KCND3: variants seen among roughly 807,000 people sequenced by gnomAD.
KCND3 encodes A-type voltage-gated potassium channel KCND3.
KCND3 carries 9 observed loss-of-function variants against 51.1 expected under a neutral mutation model. The observed-to-expected ratio is 0.18, with a 90% CI of 0.11 to 0.31. The LOEUF (loss-of-function observed/expected upper bound fraction) is 0.31. KCND3 is among the 10% of genes least tolerant of loss of function. The pLI, the probability that KCND3 is intolerant of heterozygous loss-of-function variation, is 1.00. For synonymous variants in KCND3, 349 were observed against 368.0 expected (o/e 0.95, Z 0.59); for missense variants, 526 against 903.8 (o/e 0.58, Z 5.36).
rs1199081772 is a variant in KCND3 at position 111,772,176 on chromosome 1, A to C, written c.*3901T>G. The C allele has an allele frequency of 1.3e-5, 2 of 152,154 alleles. No homozygotes were observed. Among genetic ancestry groups the C allele is most frequent in the Admixed American group, 6.5e-5 (1 of 15,282 alleles). 9.4% of individuals were successfully genotyped at this position (152,154 alleles called of 1,614,324 possible). On this transcript the variant is annotated 3_prime_UTR_variant, in exon 8 of 8. Coordinates refer to ENST00000302127, the MANE Select transcript of KCND3 (RefSeq NM_001378969.1). ...AATCAAGGATTTAGCTACTTTACCT[A>C]CTACCATCACAGACTGTCATAAGAA...
At chr1:111,783,152 G>A (rs1166854160) in intron 3 of KCND3, among the ~76,000 whole-genome samples, 1 of 142,016 alleles carries the variant, frequency 7.0e-6, no homozygotes, top group Non-Finnish European at 1.5e-5. Context: ...TAAGAACAAT[G>A]TGAGAGTTAA....
chr1:111,886,330 C>T (rs1040300784), intron 2 of KCND3, among the ~76,000 whole-genome samples: 1 of 152,146 alleles, frequency 6.6e-6, no homozygotes. Context: ...TCATTTCTGT[C>T]TGCTATATTT....
intron 2 of KCND3, among the ~76,000 whole-genome samples, chr1:111,944,691 G>C (rs1352153200): frequency 1.3e-5 from 2 of 152,228 alleles, no homozygotes; most frequent in South Asian, 2.1e-4. Context: ...TGGCTCACTG[G>C]TCTTTGTGTG....
At chr1:111,899,128 C>A (rs1351323851) in intron 2 of KCND3, among the ~76,000 whole-genome samples, 1 of 152,184 alleles carries the variant, frequency 6.6e-6, no homozygotes, top group Non-Finnish European at 1.5e-5. Context: ...CACAGTGCAG[C>A]CCCACAGTGA....
At chr1:111,789,034 T>C (rs1230685863) in intron 2 of KCND3, among the ~76,000 whole-genome samples, 1 of 152,190 alleles carries the variant, frequency 6.6e-6, no homozygotes, top group South Asian at 2.1e-4. Flanking sequence ...CTCTGAGATA[T>C]ATCACCTTAG....
In KCND3 at chr1:111,854,906, C is replaced by T. The variant is rs530003226; in HGVS notation, c.1107-67800G>A. On this transcript the variant is annotated intron_variant, in intron 2 of 7. Coordinates refer to ENST00000302127, the MANE Select transcript of KCND3 (RefSeq NM_001378969.1). ...ACAAGGCCTCGCTGTCTAGTCAGTG[C>T]CATTAGGGAACTTCAAAGCACCTGG... Among the ~76,000 whole-genome samples, 47 of 152,276 alleles carry T rather than the reference C, an allele frequency of 3.1e-4. 1 individual carries two copies. The South Asian group carries it at 3.3e-3, about 11-fold the overall frequency.
At chr1:111,817,911 C>T (rs1028348250) in intron 2 of KCND3, among the ~76,000 whole-genome samples, 1 of 152,172 alleles carries the variant, frequency 6.6e-6, no homozygotes, top group Non-Finnish European at 1.5e-5. Flanking sequence ...ATTAGTTTGC[C>T]TTTTATACCA....
intron 2 of KCND3, among the ~76,000 whole-genome samples, chr1:111,841,355 A>G (rs1325027856): frequency 1.3e-5 from 2 of 152,178 alleles, no homozygotes; most frequent in East Asian, 3.8e-4. Context: ...CCTGCGTTCC[A>G]TCCAACAGAG....
intron 2 of KCND3, among the ~76,000 whole-genome samples, chr1:111,954,551 G>A (rs182334324): frequency 1.3e-5 from 2 of 152,366 alleles, no homozygotes; most frequent in Non-Finnish European, 2.9e-5. Flanking sequence ...TGAAAGTGAA[G>A]TTGCTTTCTG....
intron 2 of KCND3, among the ~76,000 whole-genome samples, chr1:111,922,875 C>G (rs1371963236): frequency 6.6e-6 from 1 of 152,152 alleles, no homozygotes; most frequent in Non-Finnish European, 1.5e-5. Flanking sequence ...AATGAGATGG[C>G]AATGTATAGT....
chr1:111,829,585 G>A (rs377329495), intron 2 of KCND3, among the ~76,000 whole-genome samples: 162 of 152,292 alleles, frequency 1.1e-3, no homozygotes, highest in Middle Eastern at 3.4e-3. Flanking sequence ...AAGAGTGGCA[G>A]GAATAAGTGT....
In KCND3 at chr1:111,774,100, A is replaced by G. The variant is rs1202618354; in HGVS notation, c.*1977T>C. On this transcript the variant is annotated 3_prime_UTR_variant, in exon 8 of 8. Coordinates refer to ENST00000302127, the MANE Select transcript of KCND3 (RefSeq NM_001378969.1). Reference sequence around the variant, plus strand: ...TAAGCATAAAGAGATAAAGACAGAAAGAAGGCTCCCTCTCCTCTGCCTTCT... The same window carrying G: ...TAAGCATAAAGAGATAAAGACAGAAGGAAGGCTCCCTCTCCTCTGCCTTCT... 1 of 152,240 alleles carries G rather than the reference A, an allele frequency of 6.6e-6. No individual in the cohort carries two copies. The highest frequency in any genetic ancestry group is 1.9e-4 in the East Asian group (1 of 5,194). 9.4% of individuals were successfully genotyped at this position (152,240 alleles called of 1,614,324 possible).
chr1:111,947,707 T>C (rs1471845205), intron 2 of KCND3, among the ~76,000 whole-genome samples: 2 of 152,200 alleles, frequency 1.3e-5, no homozygotes, highest in African/African-American at 4.8e-5. Flanking sequence ...GTCTGGGGCT[T>C]CCAAGAGGGA....
At chr1:111,791,918 AG>A (rs1359749611) in intron 2 of KCND3, among the ~76,000 whole-genome samples, 7 of 152,202 alleles carry the variant, frequency 4.6e-5, no homozygotes, top group African/African-American at 1.4e-4. Flanking sequence ...CAGTATAAAG[AG>A]GCTGTTAAAA....
At chr1:111,920,327 TCC>T (rs34119223) in intron 2 of KCND3, among the ~76,000 whole-genome samples, 26,837 of 152,138 alleles carry the variant, frequency 0.18, 2,988 homozygotes, top group Non-Finnish European at 0.26. Context: ...CCTCACACAT[TCC>T]TTCAGCATCT....
At chr1:111,842,045 C>T (rs74603499) in intron 2 of KCND3, among the ~76,000 whole-genome samples, 1 of 152,242 alleles carries the variant, frequency 6.6e-6, no homozygotes, top group East Asian at 1.9e-4. Flanking sequence ...AAAAACATGT[C>T]CTGGAGAGAG....
At chr1:111,920,161 C>T (rs962514327) in intron 2 of KCND3, among the ~76,000 whole-genome samples, 2 of 152,178 alleles carry the variant, frequency 1.3e-5, no homozygotes, top group African/African-American at 4.8e-5. Context: ...CCAGTTCCTG[C>T]CAATGTTCCA....
At chr1:111,915,034 A>C (rs1671129244) in intron 2 of KCND3, among the ~76,000 whole-genome samples, 1 of 152,232 alleles carries the variant, frequency 6.6e-6, no homozygotes, top group Non-Finnish European at 1.5e-5. Flanking sequence ...TATAGTATAC[A>C]TGAAGTGGTA....
chr1:111,876,739 G>A (rs1421771700), intron 2 of KCND3, among the ~76,000 whole-genome samples: 1 of 152,204 alleles, frequency 6.6e-6, no homozygotes, highest in Non-Finnish European at 1.5e-5. Context: ...CTCTCCCCAA[G>A]GCAGAGAAGG....
Sources: gnomAD v4.1 joint callset for allele counts (sites outside exome capture counted in the v4.1 genomes callset) on GRCh38, gnomAD v4.1.1 for gene constraint, MANE v1.5 for transcripts, NCBI Gene and HGNC (gene_info 2026-07-23, HGNC 2026-07-21) for gene names.